The following XIRP2 variants were observed in gnomAD, a reference collection of about 807,000 sequenced individuals.
XIRP2 encodes xin actin binding repeat containing 2, also known as xin actin-binding repeat-containing protein 2.
Under a neutral mutation model 277.0 loss-of-function variants are expected in XIRP2, and 236 were observed. The observed-to-expected ratio is 0.85, with a 90% confidence interval of 0.77 to 0.95. The LOEUF (loss-of-function observed/expected upper bound fraction) is 0.95. Among genes scored for constraint, XIRP2 ranks in the 40% least tolerant of loss-of-function variants. XIRP2 has a pLI of 0.00. For synonymous variants in XIRP2, 1,490 were observed against 1,416.5 expected (o/e 1.05, Z -1.17); for missense variants, 4,640 against 4,157.5 (o/e 1.12, Z -3.19).
intron 2 of XIRP2, among the ~76,000 whole-genome samples, chr2:167,088,213 G>T (rs111364302): frequency 6.6e-5 from 10 of 152,200 alleles, no homozygotes; most frequent in Non-Finnish European, 1.0e-4. Context: ...AGCATTTTAT[G>T]TATGCTCCTT....
chr2:167,138,627 G>A (rs967860179), intron 3 of XIRP2, among the ~76,000 whole-genome samples: 3 of 152,184 alleles, frequency 2.0e-5, no homozygotes, highest in African/African-American at 7.2e-5. Context: ...ATTCTAGGAA[G>A]ACTTAGACCA....
At chr2:167,235,876 G>A (rs1409871323) in intron 5 of XIRP2, among the ~76,000 whole-genome samples, 5 of 151,858 alleles carry the variant, frequency 3.3e-5, no homozygotes, top group South Asian at 4.1e-4. Context: ...GAATTTTAAT[G>A]TATCTAAATC....
In XIRP2 at chr2:167,190,330, CTT is replaced by C. The variant is rs142539471; in HGVS notation, c.563-20404_563-20403del. Reference sequence around the variant, plus strand: ...GTTGAATGTTCTAATCCTCTAATCACTTATTGTTTTTTCTGGCAACCAGCCCC... The same window carrying C: ...GTTGAATGTTCTAATCCTCTAATCACATTGTTTTTTCTGGCAACCAGCCCC... On this transcript the variant is annotated intron_variant, in intron 3 of 10. Coordinates refer to ENST00000409195, the MANE Select transcript of XIRP2 (RefSeq NM_152381.6). Among the ~76,000 whole-genome samples, 1,302 of 152,200 alleles carry C rather than the reference CTT, an allele frequency of 8.6e-3. 42 individuals carry two copies. In the East Asian group the frequency reaches 0.091, roughly 11 times the overall value.
At chr2:167,087,102 G>A (rs1251307770) in intron 2 of XIRP2, among the ~76,000 whole-genome samples, 1 of 151,972 alleles carries the variant, frequency 6.6e-6, no homozygotes, top group African/African-American at 2.4e-5. Context: ...TGATGATGGT[G>A]ATGTACACAT....
intron 2 of XIRP2, among the ~76,000 whole-genome samples, chr2:167,054,044 A>T (rs916555627): frequency 6.6e-6 from 1 of 152,156 alleles, no homozygotes; most frequent in Non-Finnish European, 1.5e-5. Context: ...CATATTGGGG[A>T]ACTTTAACAC....
chr2:167,108,695 C>G (rs1190584457), intron 2 of XIRP2, among the ~76,000 whole-genome samples: 1 of 151,984 alleles, frequency 6.6e-6, no homozygotes, highest in Non-Finnish European at 1.5e-5. Flanking sequence ...GCTTAGCCAA[C>G]AGAACACTGC....
intron 2 of XIRP2, among the ~76,000 whole-genome samples, chr2:166,976,791 A>G (rs1330411101): frequency 6.6e-6 from 1 of 152,200 alleles, no homozygotes; most frequent in Non-Finnish European, 1.5e-5. Context: ...TAATCTATAC[A>G]TACCCACTAT....
At chr2:167,006,977 T>C (rs1466601161) in intron 2 of XIRP2, among the ~76,000 whole-genome samples, 2 of 151,698 alleles carry the variant, frequency 1.3e-5, no homozygotes, top group African/African-American at 4.8e-5. Flanking sequence ...CTTCAATGGA[T>C]TGCAGAATTA....
chr2:167,243,082 T>G lies in XIRP2; in HGVS notation c.1690T>G (p.Leu564Val). The change falls in exon 9 of 11, where the codon TTG (leucine) becomes GTG (valine). Residue 564 changes from leucine (L) to valine (V), a missense_variant. Physicochemically the swap from Leu to Val is conservative, Grantham distance 32. Transcript: ENST00000409195. ...AGATCTGAACTCAGAAAGAGAATAC[T>G]TGGAATGGGATGAAATTCTGAAGGG... ...QKDLNSEREY[L>V]EWDEILKGEV... is the part of the protein sequence containing the mutation. The G allele has an allele frequency of 1.2e-6, 2 of 1,614,072 alleles. No homozygotes were observed. The highest frequency in any genetic ancestry group is 2.7e-5 in the African/African-American group (2 of 75,032).
At chr2:167,081,281 C>T (rs1290944405) in intron 2 of XIRP2, among the ~76,000 whole-genome samples, 4 of 152,046 alleles carry the variant, frequency 2.6e-5, no homozygotes, top group African/African-American at 9.7e-5. Context: ...GCCTGGGCAA[C>T]ACAGCAAGAC....
intron 3 of XIRP2, among the ~76,000 whole-genome samples, chr2:167,209,509 A>G (rs1009413490): frequency 6.6e-6 from 1 of 152,128 alleles, no homozygotes; most frequent in African/African-American, 2.4e-5. Flanking sequence ...TGATTAAATT[A>G]TAACAACCCA....
chr2:167,258,483 A>G lies in XIRP2; in HGVS notation c.*666A>G. On this transcript the variant is annotated 3_prime_UTR_variant, in exon 11 of 11. Transcript: ENST00000409195. Reference sequence around the variant, plus strand: ...GTGCAAGATAGGCCGAGTGAAGCTGAAGACACAAAGAGTAACAGGAAAAGT... The same window carrying G: ...GTGCAAGATAGGCCGAGTGAAGCTGGAGACACAAAGAGTAACAGGAAAAGT... 6.2e-7 allele frequency: 1 copy of G among 1,613,322 alleles called. No individual in the cohort carries two copies. Among genetic ancestry groups the G allele is most frequent in the Non-Finnish European group, 8.5e-7 (1 of 1,179,700 alleles).
At chr2:167,018,208 T>C (rs967426482) in intron 2 of XIRP2, among the ~76,000 whole-genome samples, 7 of 152,044 alleles carry the variant, frequency 4.6e-5, no homozygotes, top group Non-Finnish European at 7.4e-5. Flanking sequence ...TTTACACCCA[T>C]GTGGAAGTTC....
chr2:166,947,919 A>C (rs1234358680), intron 2 of XIRP2, among the ~76,000 whole-genome samples: 3 of 152,166 alleles, frequency 2.0e-5, no homozygotes, highest in African/African-American at 7.2e-5. Flanking sequence ...ATTACTCAGC[A>C]CTAAAAAAGA....
chr2:167,027,279 C>T (rs569733188), intron 2 of XIRP2, among the ~76,000 whole-genome samples: 112 of 152,248 alleles, frequency 7.4e-4, no homozygotes, highest in African/African-American at 2.6e-3. Context: ...GATACCCTTT[C>T]TTCCAGTTTA....
At chr2:167,202,025 G>A (rs1693734096) in intron 3 of XIRP2, among the ~76,000 whole-genome samples, 1 of 152,034 alleles carries the variant, frequency 6.6e-6, no homozygotes, top group African/African-American at 2.4e-5. Flanking sequence ...GAATTAATGG[G>A]ATAATACATG....
chr2:167,132,418 A>G (rs1691404037), intron 2 of XIRP2, among the ~76,000 whole-genome samples: 1 of 152,026 alleles, frequency 6.6e-6, no homozygotes, highest in Admixed American at 6.6e-5. Context: ...TCTGGTTCAA[A>G]ATATTAACAG....
intron 10 of XIRP2, among the ~76,000 whole-genome samples, chr2:167,256,266 AT>A (rs1487465396): frequency 6.6e-6 from 1 of 151,016 alleles, no homozygotes; most frequent in Admixed American, 6.6e-5. Context: ...TTTTTTGCCT[AT>A]TTTTATTATC....
rs375709656 is a variant in XIRP2, at chr2:166,951,525, GA to G, written c.408+47645del. ...GCACAGCAAGGTGGGCAACAGAGTGGAAAAAAAAAATTTAGAAAGAACATTC... is the reference window on the plus strand; with the variant it reads ...GCACAGCAAGGTGGGCAACAGAGTGGAAAAAAAAATTTAGAAAGAACATTC... On this transcript the variant is annotated intron_variant, in intron 2 of 10. Coordinates refer to ENST00000409195, the MANE Select transcript of XIRP2 (RefSeq NM_152381.6). 4.5e-4 allele frequency among the ~76,000 whole-genome samples: 67 copies of G among 149,174 alleles called. 1 individual carries two copies. The highest frequency in any genetic ancestry group is 1.1e-3 in the South Asian group (5 of 4,712).
Sources: gnomAD v4.1 joint callset for allele counts (sites outside exome capture counted in the v4.1 genomes callset) on GRCh38, gnomAD v4.1.1 for gene constraint, MANE v1.5 for transcripts, NCBI Gene and HGNC (gene_info 2026-07-23, HGNC 2026-07-21) for gene names.